The following COL4A1 variants were observed in gnomAD, a reference collection of about 807,000 sequenced individuals.
COL4A1 encodes the protein collagen type IV alpha 1 chain.
COL4A1 carries 40 observed loss-of-function variants against 216.6 expected under a neutral mutation model. The ratio of observed to expected loss-of-function variants is 0.18; its 90% CI spans 0.14 to 0.24. The LOEUF (loss-of-function observed/expected upper bound fraction) is 0.24. COL4A1 is among the 10% of genes least tolerant of loss of function. The pLI, the probability that COL4A1 is intolerant of heterozygous loss-of-function variation, is 1.00. For missense variants in COL4A1, 1,628 were observed against 2,196.8 expected, an observed-to-expected ratio of 0.74 and a Z score of 5.18; for synonymous variants, 839 against 810.7, an observed-to-expected ratio of 1.03 and a Z score of -0.59.
At chr13:110,242,819 G>T in intron 1 of COL4A1, 85 bp from the exon 2 acceptor site, 3 of 1,442,414 alleles carry the variant, frequency 2.1e-6, no homozygotes, top group Admixed American at 1.7e-5. Flanking sequence ...CTGGCATCTT[G>T]ACTTGTTTAT....
intron 47 of COL4A1, among the ~76,000 whole-genome samples, chr13:110,162,988 T>C (rs934817435): frequency 6.6e-6 from 1 of 152,268 alleles, no homozygotes; most frequent in Non-Finnish European, 1.5e-5. Flanking sequence ...TGTGCCCAGG[T>C]CTGCTGGGCT....
At chr13:110,192,751 A>C (rs1230721263) in intron 23 of COL4A1, 79 bp downstream of exon 23, 4 of 1,243,312 alleles carry the variant, frequency 3.2e-6, no homozygotes, top group Non-Finnish European at 4.7e-6. Flanking sequence ...CCTTCTATGG[A>C]GTGAAATCCC....
rs114088098 is a variant in COL4A1 at position 110,165,496 on chromosome 13, G to C, written c.4022-506C>G. On this transcript the variant is annotated intron_variant, in intron 45 of 51. Transcript: ENST00000375820. Reference sequence around the variant, plus strand: ...GCATGTGGTAAGAACCACACAAAGTGCGAGTTCCCCTCAGCCTCCCCGTTT... The same window carrying C: ...GCATGTGGTAAGAACCACACAAAGTCCGAGTTCCCCTCAGCCTCCCCGTTT... Among the ~76,000 whole-genome samples, 939 of 152,054 alleles carry C rather than the reference G, an allele frequency of 6.2e-3. 7 individuals carry two copies. Among genetic ancestry groups the C allele is most frequent in the African/African-American group, 0.022 (898 of 41,470 alleles).
At chr13:110,200,818 C>T (rs746953121) in intron 20 of COL4A1, 36 bp downstream of exon 20, 1 of 1,606,378 alleles carries the variant, frequency 6.2e-7, no homozygotes, top group Non-Finnish European at 8.5e-7. Context: ...AGAAGGTGTG[C>T]AAGTATGCTA....
rs1210036342 is a variant in COL4A1, at chr13:110,166,300, G to A, written c.3953C>T (p.Pro1318Leu). 6.2e-7 allele frequency: 1 copy of A among 1,605,830 alleles called. No individual in the cohort carries two copies. Among genetic ancestry groups the A allele is most frequent in the Admixed American group, 1.7e-5 (1 of 60,002 alleles). ...TCCCTGGAGGCCAGGAAGACCTTTT[G>A]GACCTAAAAGCAGAGGGAAAGCACT... ...GPPGVPGFQG[P>L]KGLPGLQGIK... is the part of the protein sequence containing the mutation. Residue 1318 changes from proline to leucine, a missense_variant, in exon 45 of 52, where the codon CCA becomes CTA. By Grantham distance (98) the Pro-to-Leu change is moderately conservative. Coordinates refer to ENST00000375820, the MANE Select transcript of COL4A1 (RefSeq NM_001845.6).
chr13:110,233,091 T>C (rs984047766), intron 2 of COL4A1, among the ~76,000 whole-genome samples: 2 of 152,116 alleles, frequency 1.3e-5, no homozygotes, highest in African/African-American at 4.8e-5. Context: ...TTAGCATAGA[T>C]CTGCTTCCAG....
At chr13:110,245,497 G>T (rs915978216) in intron 1 of COL4A1, among the ~76,000 whole-genome samples, 1 of 152,224 alleles carries the variant, frequency 6.6e-6, no homozygotes, top group Non-Finnish European at 1.5e-5. Context: ...GCCTGAAGTA[G>T]TGTGGATTTT....
Position 110,258,477 on chromosome 13 carries a change from T to G in COL4A1, c.85-15743A>C, listed in dbSNP as rs374992010. On this transcript the variant is annotated intron_variant, in intron 1 of 51. Transcript: ENST00000375820. ...ATCGCTTGAACCCAGGAGCCAGAGGTTGCAGTGAGCCAAGATCATGCCACT... is the reference window on the plus strand; with the variant it reads ...ATCGCTTGAACCCAGGAGCCAGAGGGTGCAGTGAGCCAAGATCATGCCACT... Among the ~76,000 whole-genome samples, 633 of 152,240 alleles carry G rather than the reference T, an allele frequency of 4.2e-3. 7 individuals are homozygous for G. Among genetic ancestry groups the G allele is most frequent in the African/African-American group, 0.014 (589 of 41,532 alleles).
At chr13:110,175,910 C>A (rs1489790989) in intron 36 of COL4A1, among the ~76,000 whole-genome samples, 1 of 152,232 alleles carries the variant, frequency 6.6e-6, no homozygotes, top group Non-Finnish European at 1.5e-5. Context: ...AACTCTCCCC[C>A]TTTCTGAGTG....
rs80005313 is a variant in COL4A1 at position 110,305,629 on chromosome 13, C to A, written c.84+1315G>T. Among the ~76,000 whole-genome samples the A allele has an allele frequency of 1.3e-3, 205 of 152,284 alleles. 1 individual carries two copies. The highest frequency in any genetic ancestry group is 2.4e-3 in the Non-Finnish European group (160 of 68,028). ...TTGGAAAGTATTTTGTCATCATTAC[C>A]AAAGAGTGTTTAAATAACTGGCTAT... On this transcript the variant is annotated intron_variant, in intron 1 of 51. Transcript: ENST00000375820.
At chr13:110,241,034 T>G (rs561577471) in intron 2 of COL4A1, among the ~76,000 whole-genome samples, 2 of 152,264 alleles carry the variant, frequency 1.3e-5, no homozygotes, top group Non-Finnish European at 2.9e-5. Context: ...CACGCTGGGC[T>G]AATTTTTGTA....
chr13:110,291,978 G>A (rs564791772), intron 1 of COL4A1, among the ~76,000 whole-genome samples: 2 of 152,260 alleles, frequency 1.3e-5, no homozygotes, highest in South Asian at 4.1e-4. Flanking sequence ...TGAGAAGATG[G>A]GGTCTGCACA....
intron 17 of COL4A1, among the ~76,000 whole-genome samples, chr13:110,204,524 C>T (rs1435739171): frequency 6.6e-6 from 1 of 151,982 alleles, no homozygotes; most frequent in East Asian, 1.9e-4. Flanking sequence ...TTGGTGATGA[C>T]TATTCCAAAA....
chr13:110,253,862 G>T (rs929157949), intron 1 of COL4A1, among the ~76,000 whole-genome samples: 1 of 149,474 alleles, frequency 6.7e-6, no homozygotes, highest in Non-Finnish European at 1.5e-5. Flanking sequence ...ATATATGTAT[G>T]TGTGTGTGTA....
rs67727932 is a variant in COL4A1, at chr13:110,219,662, GTATATATATATATA to G, written c.145-5661_145-5648del. Among the ~76,000 whole-genome samples, 109 of 64,482 alleles carry G rather than the reference GTATATATATATATA, an allele frequency of 1.7e-3. 1 individual carries two copies. The highest frequency in any genetic ancestry group is 6.0e-3 in the East Asian group (9 of 1,500). 42.3% of individuals were successfully genotyped at this position (64,482 alleles called of 152,430 possible). A position where few individuals can be genotyped will look rare whatever the true frequency, so the allele number is the denominator to read the frequency against. On this transcript the variant is annotated intron_variant, in intron 2 of 51. Coordinates refer to ENST00000375820, the MANE Select transcript of COL4A1 (RefSeq NM_001845.6). ...GTAAGTTGAAAATATATATATATAT[GTATATATATATATA>G]TGTGTATATATATGTATATATATGT...
At chr13:110,170,818 C>T (rs1877607172) in intron 41 of COL4A1, 86 bp from the exon 42 acceptor site, 8 of 1,450,054 alleles carry the variant, frequency 5.5e-6, no homozygotes, top group South Asian at 2.3e-5. Flanking sequence ...TGGGATGAGG[C>T]GTGCCTCATC....
At chr13:110,249,258 A>G (rs1246411542) in intron 1 of COL4A1, among the ~76,000 whole-genome samples, 1 of 152,038 alleles carries the variant, frequency 6.6e-6, no homozygotes, top group East Asian at 1.9e-4. Flanking sequence ...GCGGGCGGTG[A>G]CTACACGGGT....
At chr13:110,167,558 C>T (rs1877403014) in intron 43 of COL4A1, among the ~76,000 whole-genome samples, 1 of 152,172 alleles carries the variant, frequency 6.6e-6, no homozygotes, top group Admixed American at 6.5e-5. Flanking sequence ...GAGCCAGGGC[C>T]CCCTCAACAC....
chr13:110,174,955 C>G (rs907232683), intron 37 of COL4A1, among the ~76,000 whole-genome samples: 3 of 152,208 alleles, frequency 2.0e-5, no homozygotes, highest in Non-Finnish European at 1.5e-5. Context: ...TGGTTTCTAC[C>G]TGCCATTCCT....
Sources: gnomAD v4.1 joint callset for allele counts (sites outside exome capture counted in the v4.1 genomes callset) on GRCh38, gnomAD v4.1.1 for gene constraint, MANE v1.5 for transcripts, NCBI Gene and HGNC (gene_info 2026-07-23, HGNC 2026-07-21) for gene names.